Variants in PCSK5 observed in about 807,000 individuals in gnomAD.
PCSK5 encodes the protein prohormone convertase 5.
Under a neutral mutation model 233.2 loss-of-function variants are expected in PCSK5, and 129 were observed. The ratio of observed to expected loss-of-function variants is 0.55; its 90% CI spans 0.48 to 0.64. PCSK5 has a LOEUF of 0.64. Ranked by LOEUF, PCSK5 falls within the 30% of genes least tolerant of loss-of-function variation. The pLI is 0.00. For missense variants in PCSK5, 2,076 were observed against 2,430.1 expected (o/e 0.85, Z 3.06); for synonymous variants, 825 against 879.2 (o/e 0.94, Z 1.09).
chr9:76,119,181 C>A (rs1832542632), intron 9 of PCSK5, among the ~76,000 whole-genome samples: 1 of 152,020 alleles, frequency 6.6e-6, no homozygotes. Flanking sequence ...AAAAGATAAT[C>A]TTTGAATCCT....
chr9:76,002,580 G>A lies in PCSK5; in HGVS notation c.411+16335G>A, dbSNP rs148181886. 5.0e-4 allele frequency among the ~76,000 whole-genome samples: 76 copies of A among 152,330 alleles called. 1 individual carries two copies. The highest frequency in any genetic ancestry group is 6.8e-3 in the Middle Eastern group (2 of 294). On this transcript the variant is annotated intron_variant, in intron 3 of 37. Transcript: ENST00000674117. Reference sequence around the variant, plus strand: ...TAATATGCTGTGTGAATTGACAGAAGAGATGTAAATAGGCAGTATTTGTTT... The same window carrying A: ...TAATATGCTGTGTGAATTGACAGAAAAGATGTAAATAGGCAGTATTTGTTT...
chr9:76,251,563 C>CAAA lies in PCSK5; in HGVS notation c.3142+10894_3142+10896dup, dbSNP rs60973474. On this transcript the variant is annotated intron_variant, in intron 24 of 37. Coordinates refer to ENST00000674117, the MANE Select transcript of PCSK5 (RefSeq NM_001372043.1). ...TGGGTGACAGAGCGAGACTCCGTCT[C>CAAA]AAAAAAAAAAAAAAAAAGACAGAAA... 2.3e-4 allele frequency among the ~76,000 whole-genome samples: 22 copies of CAAA among 96,790 alleles called. 1 individual carries two copies. Among genetic ancestry groups the CAAA allele is most frequent in the African/African-American group, 7.6e-4 (18 of 23,608 alleles). 63.5% of individuals were successfully genotyped at this position (96,790 alleles called of 152,430 possible).
chr9:76,171,586 A>T (rs1367573324), intron 13 of PCSK5, among the ~76,000 whole-genome samples: 1 of 152,192 alleles, frequency 6.6e-6, no homozygotes, highest in Non-Finnish European at 1.5e-5. Flanking sequence ...GGGGTCACGA[A>T]TATAAATCCC....
chr9:75,999,210 A>T (rs1034246083), intron 3 of PCSK5, among the ~76,000 whole-genome samples: 1 of 151,886 alleles, frequency 6.6e-6, no homozygotes, highest in Non-Finnish European at 1.5e-5. Context: ...TCCCTCCCCT[A>T]GCCCCCCAGC....
In PCSK5 at chr9:76,361,940, A is replaced by G. The variant is rs1830437645; in HGVS notation, c.*3018A>G. 6.6e-6 allele frequency: 1 copy of G among 152,174 alleles called. No homozygotes were observed. The highest frequency in any genetic ancestry group is 2.1e-4 in the South Asian group (1 of 4,834). 9.4% of individuals were successfully genotyped at this position (152,174 alleles called of 1,614,324 possible). On this transcript the variant is annotated 3_prime_UTR_variant, in exon 38 of 38. Transcript: ENST00000674117. ...GACTGAGTTTGACATTTCTTTCTGTAAACTGGAAATTGTTTTCTATGAAAA... is the reference window on the plus strand; with the variant it reads ...GACTGAGTTTGACATTTCTTTCTGTGAACTGGAAATTGTTTTCTATGAAAA...
At chr9:76,139,581 G>C (rs968260395) in intron 10 of PCSK5, among the ~76,000 whole-genome samples, 2 of 151,906 alleles carry the variant, frequency 1.3e-5, no homozygotes, top group Non-Finnish European at 2.9e-5. Flanking sequence ...AAAAGACAGA[G>C]GGAAGTAAAT....
chr9:76,101,534 C>G (rs1329201574), intron 8 of PCSK5, among the ~76,000 whole-genome samples: 1 of 152,190 alleles, frequency 6.6e-6, no homozygotes, highest in Non-Finnish European at 1.5e-5. Flanking sequence ...TCCAGTCCCT[C>G]CCATCATTAA....
At chr9:76,013,259 G>T (rs1827808843) in intron 3 of PCSK5, among the ~76,000 whole-genome samples, 2 of 152,096 alleles carry the variant, frequency 1.3e-5, no homozygotes, top group East Asian at 3.9e-4. Context: ...GTTCTTGGAG[G>T]GGCCAAGACT....
intron 4 of PCSK5, among the ~76,000 whole-genome samples, chr9:76,024,242 A>G (rs1196775571): frequency 6.6e-6 from 1 of 152,212 alleles, no homozygotes; most frequent in Non-Finnish European, 1.5e-5. Flanking sequence ...ACTTTTCTCC[A>G]GTTATCTGCT....
At chr9:75,899,434 A>G (rs1269422615) in intron 1 of PCSK5, among the ~76,000 whole-genome samples, 1 of 152,158 alleles carries the variant, frequency 6.6e-6, no homozygotes, top group Non-Finnish European at 1.5e-5. Flanking sequence ...ACACAGTATT[A>G]TTATGTTGTT....
intron 3 of PCSK5, among the ~76,000 whole-genome samples, chr9:76,001,645 A>G (rs1296978816): frequency 2.0e-5 from 3 of 152,150 alleles, no homozygotes; most frequent in South Asian, 2.1e-4. Flanking sequence ...TAAATATTCT[A>G]TCTTGAAGGG....
intron 7 of PCSK5, among the ~76,000 whole-genome samples, chr9:76,080,755 G>A (rs1304487981): frequency 6.6e-6 from 1 of 152,142 alleles, no homozygotes; most frequent in Non-Finnish European, 1.5e-5. Flanking sequence ...TAGTAATGTT[G>A]TAAGGATTAT....
At chr9:76,331,256 A>G (rs185005271) in intron 33 of PCSK5, among the ~76,000 whole-genome samples, 69 of 152,270 alleles carry the variant, frequency 4.5e-4, no homozygotes, top group African/African-American at 1.7e-3. Context: ...CTGTAAATGT[A>G]TTACTCTACT....
At chr9:76,040,381 C>CTCTCTCTCTCTCTG (rs1829060241) in intron 5 of PCSK5, among the ~76,000 whole-genome samples, 2 of 59,532 alleles carry the variant, frequency 3.4e-5, no homozygotes. Context: ...CTCTCTCTCT[C>CTCTCTCTCTCTCTG]TCTGTCTCTC....
intron 9 of PCSK5, among the ~76,000 whole-genome samples, chr9:76,118,932 T>C (rs1443991863): frequency 6.6e-6 from 1 of 152,064 alleles, no homozygotes; most frequent in Non-Finnish European, 1.5e-5. Flanking sequence ...TTGCTTTCCT[T>C]TCAGATCATG....
chr9:76,173,495 C>CTTTTTTTTTTTTTTTTTTTTTTTTTTTTT (rs1587715951), intron 13 of PCSK5, among the ~76,000 whole-genome samples: 2 of 34,582 alleles, frequency 5.8e-5, no homozygotes, highest in Admixed American at 3.1e-4. Context: ...AGGCACGTTT[C>CTTTTTTTTTTTTTTTTTTTTTTTTTTTTT]CTTTTTTTTT....
chr9:76,036,161 A>G (rs1005032122), intron 5 of PCSK5, among the ~76,000 whole-genome samples: 3 of 152,196 alleles, frequency 2.0e-5, no homozygotes, highest in African/African-American at 4.8e-5. Flanking sequence ...TTATTTTTGT[A>G]AGCTAAAGGA....
At position 76,124,745 on chromosome 9, in the gene PCSK5, CAA is replaced by C. The variant is rs58659276; in HGVS notation, c.1209-9341_1209-9340del. Among the ~76,000 whole-genome samples the C allele has an allele frequency of 1.7e-3, 157 of 92,106 alleles. 1 individual carries two copies. The highest frequency in any genetic ancestry group is 4.0e-3 in the East Asian group (12 of 2,996). 60.4% of individuals were successfully genotyped at this position (92,106 alleles called of 152,430 possible). On this transcript the variant is annotated intron_variant, in intron 9 of 37. Coordinates refer to ENST00000674117, the MANE Select transcript of PCSK5 (RefSeq NM_001372043.1). Reference sequence around the variant, plus strand: ...CTGGCGACAGAGCAAGACTCCATCTCAAAAAAAAAAAAAAAAAAAAAAAATGC... The same window carrying C: ...CTGGCGACAGAGCAAGACTCCATCTCAAAAAAAAAAAAAAAAAAAAAATGC...
intron 9 of PCSK5, among the ~76,000 whole-genome samples, chr9:76,124,213 T>G (rs1422262687): frequency 6.6e-6 from 1 of 152,176 alleles, no homozygotes; most frequent in Non-Finnish European, 1.5e-5. Flanking sequence ...AGTGAACCTT[T>G]CTAAGCCTTA....
Sources: allele counts gnomAD v4.1 joint callset (sites outside exome capture counted in the v4.1 genomes callset), GRCh38; gene constraint gnomAD v4.1.1; transcripts MANE v1.5; gene names NCBI Gene and HGNC (gene_info 2026-07-23, HGNC 2026-07-21).